The following BLM variants were observed in gnomAD, a reference collection of about 807,000 sequenced individuals.
BLM encodes BLM RecQ like helicase.
A neutral mutation model predicts 135.3 loss-of-function variants in BLM; 95 were observed. That is an observed-to-expected ratio of 0.70 (90% CI 0.59 to 0.83). BLM has a LOEUF of 0.83. BLM is among the 40% of genes least tolerant of loss of function. BLM has a pLI of 0.00. For synonymous variants in BLM, 520 were observed against 589.2 expected (o/e 0.88, Z 1.70); for missense variants, 1,518 against 1,663.9 (o/e 0.91, Z 1.53).
At chr15:90,774,491 A>G (rs1349022244) in intron 12 of BLM, among the ~76,000 whole-genome samples, 6 of 152,008 alleles carry the variant, frequency 3.9e-5, no homozygotes, top group South Asian at 2.1e-4. Flanking sequence ...GGTGAACGGC[A>G]TTTTAGCAGG....
chr15:90,807,655 C>G (rs567617430), intron 19 of BLM, among the ~76,000 whole-genome samples: 1 of 152,304 alleles, frequency 6.6e-6, no homozygotes, highest in Admixed American at 6.5e-5. Context: ...CTGTCTCAGC[C>G]TCCCAAAGTA....
At chr15:90,809,963 C>T (rs1264156113) in intron 20 of BLM, among the ~76,000 whole-genome samples, 1 of 152,130 alleles carries the variant, frequency 6.6e-6, no homozygotes, top group African/African-American at 2.4e-5. Flanking sequence ...AACAGACAGG[C>T]CCGGTTCAGT....
intron 1 of BLM, among the ~76,000 whole-genome samples, chr15:90,745,042 CAAA>C (rs1895463989): frequency 6.6e-6 from 1 of 151,534 alleles, no homozygotes; most frequent in Non-Finnish European, 1.5e-5. Flanking sequence ...GACCCTGTCT[CAAA>C]AAAGAAAAAG....
At chr15:90,732,646 ATAT>A (rs1567027290) in intron 1 of BLM, among the ~76,000 whole-genome samples, 1 of 152,000 alleles carries the variant, frequency 6.6e-6, no homozygotes, top group African/African-American at 2.4e-5. Flanking sequence ...TCTTCAGTAC[ATAT>A]TATAAATGAA....
intron 12 of BLM, among the ~76,000 whole-genome samples, chr15:90,771,869 G>T (rs887576510): frequency 6.6e-6 from 1 of 152,136 alleles, no homozygotes; most frequent in Non-Finnish European, 1.5e-5. Flanking sequence ...AGTAAACAGT[G>T]TACATATTTA....
chr15:90,803,131 C>T (rs1198777963), intron 17 of BLM, among the ~76,000 whole-genome samples: 1 of 150,256 alleles, frequency 6.7e-6, no homozygotes, highest in East Asian at 1.9e-4. Context: ...CCACTGCACT[C>T]CAACCTCCAC....
At chr15:90,751,684 G>A (rs1406234660) in intron 3 of BLM, 103 bp from the exon 4 acceptor site, 1 of 944,974 alleles carries the variant, frequency 1.1e-6, no homozygotes, top group Non-Finnish European at 1.7e-6. Flanking sequence ...TGGTGTGATT[G>A]TTTGTGACTT....
intron 14 of BLM, among the ~76,000 whole-genome samples, chr15:90,786,665 G>A (rs1226435035): frequency 6.6e-6 from 1 of 152,124 alleles, no homozygotes; most frequent in Non-Finnish European, 1.5e-5. Context: ...ACCCAGGCTG[G>A]AGTGCAGTGG....
At chr15:90,740,469 A>G (rs748034562) in intron 1 of BLM, among the ~76,000 whole-genome samples, 2 of 152,178 alleles carry the variant, frequency 1.3e-5, no homozygotes, top group Non-Finnish European at 2.9e-5. Context: ...CATTTTATTT[A>G]TCCATTCATC....
rs773893026 is a variant in BLM, at chr15:90,798,324, C to T, written c.3345C>T (p.Val1115=). Reference sequence around the variant, plus strand: ...GAAGATTTACTATGAATATGCTGGTCGACATTTTCTTGGGTAAGTCATCTG... The same window carrying T: ...GAAGATTTACTATGAATATGCTGGTTGACATTTTCTTGGGTAAGTCATCTG... ...PSGRFTMNML[V]DIFLGSKSAK... Residue 1115 remains valine (V), a synonymous_variant, in exon 17 of 22, where the codon GTC becomes GTT. Coordinates refer to ENST00000355112, the MANE Select transcript of BLM (RefSeq NM_000057.4). The T allele has an allele frequency of 6.2e-6, 10 of 1,612,268 alleles. No homozygotes were observed. The highest frequency in any genetic ancestry group is 4.4e-5 in the South Asian group (4 of 90,800).
chr15:90,802,642 A>G (rs1299998120), intron 17 of BLM, among the ~76,000 whole-genome samples: 1 of 152,170 alleles, frequency 6.6e-6, no homozygotes, highest in African/African-American at 2.4e-5. Context: ...TAGAAAACTG[A>G]CTGTCAAAAA....
In BLM at chr15:90,809,158, A is replaced by C. The variant is rs1369324978; in HGVS notation, c.3773A>C (p.Glu1258Ala). Residue 1258 changes from glutamate to alanine, a missense_variant, in exon 20 of 22, where the codon GAG (glutamate) becomes GCG (alanine). Around this residue, in one of 5 missense-constraint regions of BLM, gnomAD observed 626 missense variants for 681.1 expected, o/e 0.92. Coordinates refer to ENST00000355112, the MANE Select transcript of BLM (RefSeq NM_000057.4). ...ACAGAATCTTTATCTTCTGATCCTGAGGTTTTGCTTCAAATTGATGGTGTT... is the reference window on the plus strand; with the variant it reads ...ACAGAATCTTTATCTTCTGATCCTGCGGTTTTGCTTCAAATTGATGGTGTT... ...KLAESLSSDP[E>A]VLLQIDGVTE... 1 of 1,614,022 alleles carries C rather than the reference A, an allele frequency of 6.2e-7. No individual in the cohort carries two copies. The highest frequency in any genetic ancestry group is 1.7e-5 in the Admixed American group (1 of 59,998).
At chr15:90,718,935 T>C (rs770088968) in intron 1 of BLM, among the ~76,000 whole-genome samples, 34 of 152,272 alleles carry the variant, frequency 2.2e-4, no homozygotes, top group Admixed American at 5.9e-4. Context: ...TTTTGATTTT[T>C]AAATTTTTAT....
At chr15:90,757,854 T>C (rs1474995328) in intron 5 of BLM, among the ~76,000 whole-genome samples, 1 of 152,080 alleles carries the variant, frequency 6.6e-6, no homozygotes, top group Non-Finnish European at 1.5e-5. Context: ...AAGGCATCTG[T>C]TGTCCTTGCT....
intron 10 of BLM, among the ~76,000 whole-genome samples, chr15:90,767,465 AAC>A (rs2151164413): frequency 6.6e-6 from 1 of 152,316 alleles, no homozygotes; most frequent in African/African-American, 2.4e-5. Context: ...TAATCTTGTA[AAC>A]AGTTTCTCTC....
Position 90,734,557 on chromosome 15 carries a change from G to C in BLM, c.-4-12832G>C, listed in dbSNP as rs192284659. Among the ~76,000 whole-genome samples the C allele has an allele frequency of 2.3e-3, 354 of 152,008 alleles. 1 individual carries two copies. The highest frequency in any genetic ancestry group is 8.1e-3 in the African/African-American group (336 of 41,474). ...CCCACCTCGGCCTCCCAAAATGCTG[G>C]GATTACAGATGTGAGCCACCATGCC... On this transcript the variant is annotated intron_variant, in intron 1 of 21. Coordinates refer to ENST00000355112, the MANE Select transcript of BLM (RefSeq NM_000057.4).
At chr15:90,772,187 C>A (rs997243590) in intron 12 of BLM, among the ~76,000 whole-genome samples, 4 of 152,192 alleles carry the variant, frequency 2.6e-5, no homozygotes, top group African/African-American at 9.6e-5. Flanking sequence ...ATTAAATTTG[C>A]TCAACTGCTG....
At chr15:90,730,711 G>A (rs190493202) in intron 1 of BLM, among the ~76,000 whole-genome samples, 12 of 152,280 alleles carry the variant, frequency 7.9e-5, no homozygotes, top group African/African-American at 2.9e-4. Context: ...CTCCCAAAGT[G>A]CTGGGATTAC....
intron 9 of BLM, among the ~76,000 whole-genome samples, chr15:90,766,423 T>G (rs984166137): frequency 2.6e-5 from 4 of 152,238 alleles, no homozygotes; most frequent in East Asian, 3.9e-4. Flanking sequence ...GTTATGCTTT[T>G]TTTTGTTTTG....
Sources: allele counts gnomAD v4.1 joint callset (sites outside exome capture counted in the v4.1 genomes callset), GRCh38; gene constraint gnomAD v4.1.1; regional missense constraint gnomAD v4.1.1; transcripts MANE v1.5; gene names NCBI Gene and HGNC (gene_info 2026-07-23, HGNC 2026-07-21).